The following DYNLT2B variants were observed in gnomAD, a reference collection of about 807,000 sequenced individuals.
DYNLT2B encodes the protein dynein light chain Tctex-type 2B.
A neutral mutation model predicts 19.5 loss-of-function variants in DYNLT2B; 14 were observed. The ratio of observed to expected loss-of-function variants is 0.72; its 90% CI spans 0.47 to 1.12. The LOEUF (loss-of-function observed/expected upper bound fraction) is 1.12. Among genes scored for constraint, DYNLT2B ranks in the 50% most tolerant of loss-of-function variants. The pLI is 0.00. For synonymous variants in DYNLT2B, 70 were observed against 59.7 expected, an observed-to-expected ratio of 1.17 and a Z score of -0.79; for missense variants, 133 against 174.7, an observed-to-expected ratio of 0.76 and a Z score of 1.35.
intron 3 of DYNLT2B, among the ~76,000 whole-genome samples, chr3:196,300,613 C>T (rs917105029): frequency 3.3e-5 from 5 of 150,542 alleles, no homozygotes; most frequent in East Asian, 2.0e-4. Flanking sequence ...TCTCTAATCC[C>T]GGTTACTCAG....
At chr3:196,304,807 A>G (rs1006483645) in intron 3 of DYNLT2B, among the ~76,000 whole-genome samples, 4 of 152,194 alleles carry the variant, frequency 2.6e-5, no homozygotes, top group Non-Finnish European at 4.4e-5. Context: ...CTTAAATTGA[A>G]TAATAAAACT....
At chr3:196,296,096 T>C in intron 3 of DYNLT2B, 27 bp from the exon 4 acceptor site, 3 of 1,603,910 alleles carry the variant, frequency 1.9e-6, no homozygotes, top group Non-Finnish European at 2.6e-6. Flanking sequence ...TGAAGAATTA[T>C]CAACAATCTA....
chr3:196,312,345 C>T (rs904967921), intron 2 of DYNLT2B, among the ~76,000 whole-genome samples: 3 of 152,022 alleles, frequency 2.0e-5, no homozygotes, highest in Non-Finnish European at 4.4e-5. Context: ...AAGCAGAGAA[C>T]ATCAAGCTGG....
intron 2 of DYNLT2B, among the ~76,000 whole-genome samples, chr3:196,307,337 T>C (rs549764821): frequency 9.8e-5 from 15 of 152,298 alleles, no homozygotes; most frequent in African/African-American, 3.4e-4. Flanking sequence ...ATTCTCACTC[T>C]GTTGCCCAGG....
At chr3:196,309,814 T>G (rs771519395) in intron 2 of DYNLT2B, among the ~76,000 whole-genome samples, 32 of 151,372 alleles carry the variant, frequency 2.1e-4, no homozygotes, top group Non-Finnish European at 3.7e-4. Flanking sequence ...CAGGGCGTGG[T>G]GGTGCACGCC....
chr3:196,315,454 G>A (rs1323014094), intron 2 of DYNLT2B, among the ~76,000 whole-genome samples: 1 of 151,360 alleles, frequency 6.6e-6, no homozygotes, highest in Non-Finnish European at 1.5e-5. Context: ...GTAGAGACAG[G>A]GTTTCATCGT....
At chr3:196,292,898 G>C (rs1405681204) in intron 4 of DYNLT2B, among the ~76,000 whole-genome samples, 1 of 152,184 alleles carries the variant, frequency 6.6e-6, no homozygotes, top group East Asian at 1.9e-4. Context: ...CTCTCGCCCA[G>C]GCTGGAGTGC....
chr3:196,311,782 G>A (rs1171234665), intron 2 of DYNLT2B, among the ~76,000 whole-genome samples: 1 of 151,970 alleles, frequency 6.6e-6, no homozygotes, highest in Non-Finnish European at 1.5e-5. Context: ...CACCCCCCAG[G>A]TTCAAGCAAT....
At chr3:196,295,977 A>C (rs1726211397) in intron 4 of DYNLT2B, 29 bp downstream of exon 4, 1 of 1,596,918 alleles carries the variant, frequency 6.3e-7, no homozygotes, top group Admixed American at 1.7e-5. Context: ...GTTCTTAGAA[A>C]GGGAAAAGAG....
In DYNLT2B at chr3:196,318,097, T is replaced by G. The variant is rs141412719; in HGVS notation, c.56A>C (p.Glu19Ala). The change falls in exon 1 of 5, where the codon GAG becomes GCG. Residue 19 changes from glutamate (E) to alanine (A), a missense_variant. By Grantham distance (107) the Glu-to-Ala change is moderately radical. Transcript: ENST00000325318. ...GTTCTCGGGCTCCCCTGCGTTCTTC[T>G]CAGCCTCAGGCACCCCGTCGCCCAC... ...FSVGDGVPEA[E>A]KNAGEPENTY... is the part of the protein sequence containing the mutation. 14 of 1,566,698 alleles carry G rather than the reference T, an allele frequency of 8.9e-6. No homozygotes were observed. Among genetic ancestry groups the G allele is most frequent in the Non-Finnish European group, 8.6e-7 (1 of 1,161,550 alleles).
At chr3:196,309,947 C>T (rs201092315) in intron 2 of DYNLT2B, among the ~76,000 whole-genome samples, 4 of 129,668 alleles carry the variant, frequency 3.1e-5, no homozygotes, top group Admixed American at 3.0e-4. Flanking sequence ...AAACTCAGTC[C>T]AAAAAAAAAA....
At chr3:196,298,913 T>A (rs544242450) in intron 3 of DYNLT2B, among the ~76,000 whole-genome samples, 1 of 152,076 alleles carries the variant, frequency 6.6e-6, no homozygotes, top group Non-Finnish European at 1.5e-5. Flanking sequence ...AATTTTTTTA[T>A]TTATTAATTT....
intron 4 of DYNLT2B, among the ~76,000 whole-genome samples, chr3:196,293,176 G>A (rs1053056443): frequency 2.0e-5 from 3 of 151,950 alleles, no homozygotes; most frequent in Admixed American, 6.6e-5. Flanking sequence ...TTACATATTT[G>A]TTCATTTGAG....
At chr3:196,302,379 C>T (rs1346368277) in intron 3 of DYNLT2B, among the ~76,000 whole-genome samples, 2 of 152,100 alleles carry the variant, frequency 1.3e-5, no homozygotes, top group African/African-American at 4.8e-5. Flanking sequence ...AGGGAATGAA[C>T]ACAGTGGAGC....
At chr3:196,307,401 C>T (rs1726516272) in intron 2 of DYNLT2B, among the ~76,000 whole-genome samples, 1 of 151,994 alleles carries the variant, frequency 6.6e-6, no homozygotes, top group Non-Finnish European at 1.5e-5. Context: ...CTCCAGGGTT[C>T]AAGTGATTCT....
Position 196,317,991 on chromosome 3 carries a change from C to T in DYNLT2B, c.113+49G>A, listed in dbSNP as rs750864714. ...CAGGTCCCAGGCGAGCTCCGCCCCT[C>T]AGACCAGCGCGCTCGAGGTCGCCCC... On this transcript the variant is annotated intron_variant, in intron 1 of 4. Coordinates refer to ENST00000325318, the MANE Select transcript of DYNLT2B (RefSeq NM_152773.5). 8 of 1,241,866 alleles carry T rather than the reference C, an allele frequency of 6.4e-6. No homozygotes were observed. In the South Asian group the frequency reaches 1.0e-4, roughly 16 times the overall value. The allele number at this position is 1,241,866 out of a possible 1,614,324, so 76.9% of individuals were successfully genotyped here. A position where few individuals can be genotyped will look rare whatever the true frequency, so the allele number is the denominator to read the frequency against.
At chr3:196,293,638 C>CAAAG (rs1475115528) in intron 4 of DYNLT2B, among the ~76,000 whole-genome samples, 1 of 138,618 alleles carries the variant, frequency 7.2e-6, no homozygotes, top group East Asian at 2.6e-4. Context: ...AACAAACAAA[C>CAAAG]AAGATGCATT....
Position 196,317,470 on chromosome 3 carries a change from AGTGTGTGTGT to A in DYNLT2B, c.113+560_113+569del, listed in dbSNP as rs758076354. Among the ~76,000 whole-genome samples, 13 of 11,880 alleles carry A rather than the reference AGTGTGTGTGT, an allele frequency of 1.1e-3. 1 individual carries two copies. Among genetic ancestry groups the A allele is most frequent in the East Asian group, 0.017 (1 of 60 alleles). 7.8% of individuals were successfully genotyped at this position (11,880 alleles called of 152,430 possible). ...GGCCCGTGAGCCTGATATTTTTTTCAGTGTGTGTGTGTGTGTGTGTGTGTGTGTGTAAAGT... is the reference window on the plus strand; with the variant it reads ...GGCCCGTGAGCCTGATATTTTTTTCAGTGTGTGTGTGTGTGTGTGTAAAGT... On this transcript the variant is annotated intron_variant, in intron 1 of 4. Transcript: ENST00000325318.
chr3:196,303,138 G>A (rs999101884), intron 3 of DYNLT2B, among the ~76,000 whole-genome samples: 5 of 151,206 alleles, frequency 3.3e-5, no homozygotes, highest in African/African-American at 7.3e-5. Flanking sequence ...TTGTGGCCCC[G>A]ACCCAGGAAC....
Sources: gnomAD v4.1 joint callset for allele counts (sites outside exome capture counted in the v4.1 genomes callset) on GRCh38, gnomAD v4.1.1 for gene constraint, MANE v1.5 for transcripts, NCBI Gene and HGNC (gene_info 2026-07-23, HGNC 2026-07-21) for gene names.